Variants in POMK observed in about 807,000 individuals in gnomAD.
POMK encodes the protein Sugen kinase 196.
In POMK, 19 loss-of-function variants were observed where a neutral mutation model predicts 23.0. The ratio of observed to expected loss-of-function variants is 0.83; its 90% CI spans 0.58 to 1.21. The LOEUF (loss-of-function observed/expected upper bound fraction) is 1.21. POMK is among the 50% of genes most tolerant of loss of function. The pLI, the probability that POMK is intolerant of heterozygous loss-of-function variation, is 0.00. For missense variants in POMK, 410 were observed against 431.3 expected, an observed-to-expected ratio of 0.95 and a Z score of 0.44; for synonymous variants, 173 against 171.6, an observed-to-expected ratio of 1.01 and a Z score of -0.06.
chr8:43,120,366 C>T (rs1276774637), intron 4 of POMK, among the ~76,000 whole-genome samples: 1 of 151,874 alleles, frequency 6.6e-6, no homozygotes, highest in Non-Finnish European at 1.5e-5. Flanking sequence ...GCATGCACCA[C>T]CATGCCCGGC....
At chr8:43,107,138 T>C (rs1005753278) in intron 4 of POMK, among the ~76,000 whole-genome samples, 9 of 152,066 alleles carry the variant, frequency 5.9e-5, no homozygotes, top group African/African-American at 2.2e-4. Context: ...TTTCCAGTTT[T>C]AAAAGTAAAG....
chr8:43,097,043 C>G (rs1451395139), intron 1 of POMK, among the ~76,000 whole-genome samples: 1 of 152,128 alleles, frequency 6.6e-6, no homozygotes, highest in Non-Finnish European at 1.5e-5. Context: ...TCACTTGAGT[C>G]TAGCCTGGGC....
intron 4 of POMK, among the ~76,000 whole-genome samples, chr8:43,113,718 G>GT (rs1186992005): frequency 6.6e-6 from 1 of 152,186 alleles, no homozygotes; most frequent in African/African-American, 2.4e-5. Context: ...TTTCTGCTCT[G>GT]TTTTTTCCCC....
chr8:43,103,499 A>G (rs1350226787), intron 3 of POMK, 29 bp from the exon 4 acceptor site: 1 of 1,603,212 alleles, frequency 6.2e-7, no homozygotes, highest in African/African-American at 1.3e-5. Context: ...GCTGACTGTC[A>G]TGACTTCTTG....
At chr8:43,117,047 C>G (rs1811815200) in intron 4 of POMK, among the ~76,000 whole-genome samples, 1 of 152,066 alleles carries the variant, frequency 6.6e-6, no homozygotes, top group African/African-American at 2.4e-5. Context: ...CAGGATGAGC[C>G]AGGAAAAGGA....
chr8:43,105,347 C>T (rs1811524532), intron 4 of POMK, among the ~76,000 whole-genome samples: 1 of 152,214 alleles, frequency 6.6e-6, no homozygotes, highest in Non-Finnish European at 1.5e-5. Context: ...TTGCTCTACC[C>T]TTCCCAGCCT....
chr8:43,094,672 T>G (rs1341589659), intron 1 of POMK, among the ~76,000 whole-genome samples: 2 of 152,230 alleles, frequency 1.3e-5, no homozygotes, highest in Non-Finnish European at 2.9e-5. Flanking sequence ...TAAACTGTAT[T>G]GGATGACATT....
chr8:43,118,804 G>GT (rs544709248), intron 4 of POMK, among the ~76,000 whole-genome samples: 2,422 of 151,826 alleles, frequency 0.016, 30 homozygotes, highest in Non-Finnish European at 0.021. Context: ...CCAACTTACT[G>GT]TTTTTTTTGT....
At chr8:43,121,153 T>A (rs949427235) in intron 4 of POMK, among the ~76,000 whole-genome samples, 1 of 152,228 alleles carries the variant, frequency 6.6e-6, no homozygotes, top group African/African-American at 2.4e-5. Context: ...TTAGAGTCTC[T>A]TGATAAATAA....
At chr8:43,115,332 A>G (rs1811775062) in intron 4 of POMK, among the ~76,000 whole-genome samples, 2 of 152,018 alleles carry the variant, frequency 1.3e-5, no homozygotes, top group Admixed American at 6.6e-5. Flanking sequence ...GCTTCCCTGA[A>G]GTTTTCTATA....
rs867790285 is a variant in POMK at position 43,122,143 on chromosome 8, C to G, written c.319C>G (p.Leu107Val). ...TGAGTGGAAGGAGCACAAAGTTGCA[C>G]TCTCACAGCTCACCAGCCTGGAGAT... ...LSEWKEHKVA[L>V]SQLTSLEMKD... The change falls in exon 5 of 5, where the codon CTC becomes GTC. Residue 107 changes from leucine (L) to valine (V), a missense_variant. Coordinates refer to ENST00000331373, the MANE Select transcript of POMK (RefSeq NM_032237.5). 6.2e-7 allele frequency: 1 copy of G among 1,614,186 alleles called. No individual in the cohort carries two copies. The highest frequency in any genetic ancestry group is 1.1e-5 in the South Asian group (1 of 91,080).
chr8:43,109,206 C>T (rs72647289), intron 4 of POMK, among the ~76,000 whole-genome samples: 12,680 of 152,054 alleles, frequency 0.083, 799 homozygotes, highest in East Asian at 0.22. Context: ...CTTAGGTTTC[C>T]GTAAGTCATT....
intron 4 of POMK, among the ~76,000 whole-genome samples, chr8:43,105,197 A>C (rs936880894): frequency 1.1e-4 from 17 of 152,196 alleles, no homozygotes; most frequent in Non-Finnish European, 2.5e-4. Flanking sequence ...AACATTCAAT[A>C]TCTTCTCTTC....
chr8:43,094,851 C>G (rs1219742575), intron 1 of POMK, among the ~76,000 whole-genome samples: 1 of 152,174 alleles, frequency 6.6e-6, no homozygotes. Flanking sequence ...GCATTTCAGT[C>G]GTGCCTGAAT....
rs143130596 is a variant in POMK, at chr8:43,110,591, G to C, written c.282+6761G>C. On this transcript the variant is annotated intron_variant, in intron 4 of 4. Transcript: ENST00000331373. ...TTTTTAAACAGTCATTTTACTTTAGGACCAGATTTTACCATACAAGATCTT... is the reference window on the plus strand; with the variant it reads ...TTTTTAAACAGTCATTTTACTTTAGCACCAGATTTTACCATACAAGATCTT... Among the ~76,000 whole-genome samples, 36 of 152,144 alleles carry C rather than the reference G, an allele frequency of 2.4e-4. No individual in the cohort carries two copies. In the East Asian group the frequency reaches 6.8e-3, roughly 29 times the overall value.
intron 4 of POMK, among the ~76,000 whole-genome samples, chr8:43,121,557 A>G (rs1376064959): frequency 1.3e-5 from 2 of 152,232 alleles, no homozygotes; most frequent in Non-Finnish European, 2.9e-5. Context: ...TTTAAAATTA[A>G]TGAGTAACAT....
At chr8:43,105,412 A>G (rs1156389929) in intron 4 of POMK, among the ~76,000 whole-genome samples, 2 of 152,244 alleles carry the variant, frequency 1.3e-5, no homozygotes, top group East Asian at 1.9e-4. Context: ...AAACTTCTGC[A>G]TATGAATGAG....
intron 3 of POMK, 37 bp from the exon 4 acceptor site, chr8:43,103,491 T>G (rs1811483378): frequency 6.3e-7 from 1 of 1,591,354 alleles, no homozygotes; most frequent in Non-Finnish European, 8.6e-7. Flanking sequence ...AAGTGAAAGC[T>G]GACTGTCATG....
chr8:43,116,718 A>T (rs920306826), intron 4 of POMK, among the ~76,000 whole-genome samples: 2 of 152,344 alleles, frequency 1.3e-5, no homozygotes, highest in Non-Finnish European at 2.9e-5. Flanking sequence ...AAACTTAACA[A>T]CTAAAAGCCT....
Sources: allele counts gnomAD v4.1 joint callset (sites outside exome capture counted in the v4.1 genomes callset), GRCh38; gene constraint gnomAD v4.1.1; transcripts MANE v1.5; gene names NCBI Gene and HGNC (gene_info 2026-07-23, HGNC 2026-07-21).